UBE2D3: variants seen among roughly 807,000 people sequenced by gnomAD.
The protein encoded by UBE2D3 is ubiquitin-conjugating enzyme E2 D3.
UBE2D3 carries 2 observed loss-of-function variants against 22.8 expected under a neutral mutation model. That is an observed-to-expected ratio of 0.09 (90% CI 0.04 to 0.28). UBE2D3 has a LOEUF of 0.28. Ranked by LOEUF, UBE2D3 falls within the 10% of genes least tolerant of loss-of-function variation. The pLI is 1.00. For synonymous variants in UBE2D3, 56 were observed against 60.4 expected (o/e 0.93, Z 0.34); for missense variants, 27 against 182.5 (o/e 0.15, Z 4.91).
At chr4:102,821,189 T>C (rs1729549587) in intron 2 of UBE2D3, among the ~76,000 whole-genome samples, 1 of 152,142 alleles carries the variant, frequency 6.6e-6, no homozygotes, top group Admixed American at 6.5e-5. Flanking sequence ...AATGGAGAGT[T>C]TTATTTCATT....
chr4:102,798,191 T>C (rs907748219), intron 7 of UBE2D3, among the ~76,000 whole-genome samples: 4 of 149,110 alleles, frequency 2.7e-5, no homozygotes, highest in Admixed American at 6.7e-5. Flanking sequence ...ACTACTAACA[T>C]TGATAAATAC....
At chr4:102,809,232 T>C (rs1177553157) in intron 4 of UBE2D3, 1 of 260,202 alleles carries the variant, frequency 3.8e-6, no homozygotes, top group South Asian at 3.1e-5. Flanking sequence ...AAATTTTGCA[T>C]AAACTGAAGT....
rs1429101990 is a variant in UBE2D3, at chr4:102,794,681, A to G, written c.*2734T>C. On this transcript the variant is annotated 3_prime_UTR_variant, in exon 8 of 8. Coordinates refer to ENST00000453744, the MANE Select transcript of UBE2D3 (RefSeq NM_181891.3). ...AAACAAAAAAAAACAAACAAAAAAA[A>G]AAGTGAGTGTTTCACTACCCCTGAG... 1 of 152,078 alleles carries G rather than the reference A, an allele frequency of 6.6e-6. No homozygotes were observed. The highest frequency in any genetic ancestry group is 1.5e-5 in the Non-Finnish European group (1 of 67,976). The allele number at this position is 152,078 out of a possible 1,614,324, so 9.4% of individuals were successfully genotyped here. A position where few individuals can be genotyped will look rare whatever the true frequency, so the allele number is the denominator to read the frequency against.
intron 1 of UBE2D3, among the ~76,000 whole-genome samples, chr4:102,846,932 C>G (rs1246675350): frequency 6.6e-6 from 1 of 152,040 alleles, no homozygotes; most frequent in Non-Finnish European, 1.5e-5. Flanking sequence ...GCATGAGCTA[C>G]CATGCCTAGC....
intron 1 of UBE2D3, among the ~76,000 whole-genome samples, chr4:102,851,761 G>C: frequency 6.6e-6 from 1 of 151,816 alleles, no homozygotes; most frequent in South Asian, 2.1e-4. Context: ...CTGCTGCCTG[G>C]GTTCAAGCAA....
chr4:102,849,531 A>T (rs1732236762), intron 1 of UBE2D3, among the ~76,000 whole-genome samples: 1 of 152,178 alleles, frequency 6.6e-6, no homozygotes, highest in South Asian at 2.1e-4. Flanking sequence ...AATGATTCCT[A>T]AAAATCAGTA....
At chr4:102,831,680 G>A (rs78704660), upstream of UBE2D3, among the ~76,000 whole-genome samples, 1 of 152,172 alleles carries the variant, frequency 6.6e-6, no homozygotes, top group Non-Finnish European at 1.5e-5. Flanking sequence ...GTTTGATTCT[G>A]TTTATGTGAA....
intron 5 of UBE2D3, 167 bp from the exon 6 acceptor site, chr4:102,801,726 C>A: frequency 1.9e-6 from 1 of 528,966 alleles, no homozygotes. Context: ...CCTGCCTCCT[C>A]TTTTTACAAC....
At chr4:102,799,278 CA>C in intron 7 of UBE2D3, 128 bp downstream of exon 7, 1 of 758,334 alleles carries the variant, frequency 1.3e-6, no homozygotes, top group Non-Finnish European at 2.1e-6. Flanking sequence ...AACCACATTT[CA>C]ATAGCTTTCT....
chr4:102,798,267 C>A (rs1371888162), intron 7 of UBE2D3, among the ~76,000 whole-genome samples: 2 of 52,296 alleles, frequency 3.8e-5, no homozygotes, highest in Admixed American at 1.9e-4. Context: ...ACAGTGATAA[C>A]CTTAAGAAAT....
chr4:102,813,519 T>C (rs534368474), intron 2 of UBE2D3, among the ~76,000 whole-genome samples: 30 of 152,292 alleles, frequency 2.0e-4, no homozygotes, highest in Non-Finnish European at 1.9e-4. Flanking sequence ...TGTGGGCAGA[T>C]GTAGAGATAA....
At chr4:102,832,464 A>T (rs926413537), upstream of UBE2D3, among the ~76,000 whole-genome samples, 6 of 152,158 alleles carry the variant, frequency 3.9e-5, no homozygotes, top group Non-Finnish European at 8.8e-5. Context: ...ATCAGATTTG[A>T]TGGCAAAAAG....
In UBE2D3 at chr4:102,826,516, G is replaced by A. The variant is rs1488654287; in HGVS notation, c.-8C>T. 1.2e-6 allele frequency: 2 copies of A among 1,613,444 alleles called. No homozygotes were observed. Among genetic ancestry groups the A allele is most frequent in the Non-Finnish European group, 1.7e-6 (2 of 1,179,990 alleles). ...AATCCGTTTCAGCGCCATAGTGTGT[G>A]CTTGTCGTCTGGCTCCTCACTCTCT... On this transcript the variant is annotated 5_prime_UTR_variant, in exon 2 of 8. Transcript: ENST00000453744.
chr4:102,831,683 T>C (rs1170908332), upstream of UBE2D3, among the ~76,000 whole-genome samples: 1 of 152,228 alleles, frequency 6.6e-6, no homozygotes, highest in Non-Finnish European at 1.5e-5. Flanking sequence ...TGATTCTGTT[T>C]ATGTGAAATG....
At chr4:102,802,320 G>GC (rs1726285808) in intron 5 of UBE2D3, 1 of 316,568 alleles carries the variant, frequency 3.2e-6, no homozygotes, top group Admixed American at 4.8e-5. Context: ...ACAGATGAGG[G>GC]CGGAAGCTTC....
At chr4:102,854,802 A>G (rs1732550730) in intron 1 of UBE2D3, among the ~76,000 whole-genome samples, 1 of 152,240 alleles carries the variant, frequency 6.6e-6, no homozygotes, top group South Asian at 2.1e-4. Flanking sequence ...AGAAGGAAGC[A>G]AAAGCTTGAG....
chr4:102,824,792 A>G (rs1730200348), intron 2 of UBE2D3, among the ~76,000 whole-genome samples: 1 of 152,228 alleles, frequency 6.6e-6, no homozygotes, highest in African/African-American at 2.4e-5. Flanking sequence ...AAAGATTTTT[A>G]TTTGTACTGA....
chr4:102,856,491 C>A (rs992860921), intron 1 of UBE2D3, among the ~76,000 whole-genome samples: 1 of 152,162 alleles, frequency 6.6e-6, no homozygotes, highest in Non-Finnish European at 1.5e-5. Context: ...ATCTCTAGAA[C>A]TTTTCCTTTG....
chr4:102,839,808 T>G (rs1731641041), intron 1 of UBE2D3, among the ~76,000 whole-genome samples: 1 of 152,152 alleles, frequency 6.6e-6, no homozygotes, highest in African/African-American at 2.4e-5. Flanking sequence ...TGGACTATAT[T>G]AAACTAAAAA....
Sources: gnomAD v4.1 joint callset for allele counts (sites outside exome capture counted in the v4.1 genomes callset) on GRCh38, gnomAD v4.1.1 for gene constraint, MANE v1.5 for transcripts, NCBI Gene and HGNC (gene_info 2026-07-23, HGNC 2026-07-21) for gene names.